SRGAP2C: variants seen among roughly 807,000 people sequenced by gnomAD.
The protein encoded by SRGAP2C is SLIT-ROBO Rho GTPase-activating protein 2C.
A neutral mutation model predicts 25.1 loss-of-function variants in SRGAP2C; 15 were observed. That is an observed-to-expected ratio of 0.60 (90% CI 0.40 to 0.92). The LOEUF is 0.92. Among genes scored for constraint, SRGAP2C ranks in the 40% least tolerant of loss-of-function variants. The pLI is 0.00. For missense variants in SRGAP2C, 144 were observed against 264.4 expected (o/e 0.54, Z 3.16); for synonymous variants, 44 against 96.6 (o/e 0.46, Z 3.19).
intron 2 of SRGAP2C, among the ~76,000 whole-genome samples, chr1:121,271,452 A>T (rs150821676): frequency 1.8e-4 from 28 of 151,656 alleles, no homozygotes; most frequent in African/African-American, 6.8e-4. Context: ...GGAGGAGGAT[A>T]CGGAATGTAC....
chr1:121,225,659 C>T (rs1354573084), intron 2 of SRGAP2C, among the ~76,000 whole-genome samples: 12 of 145,358 alleles, frequency 8.3e-5, no homozygotes, highest in Admixed American at 7.6e-4. Context: ...ACATCCAGCC[C>T]TTACCCTAAA....
At chr1:121,317,002 G>A (rs1229941208) in intron 3 of SRGAP2C, among the ~76,000 whole-genome samples, 2 of 150,174 alleles carry the variant, frequency 1.3e-5, no homozygotes, top group Non-Finnish European at 3.0e-5. Flanking sequence ...GAGAGAGCTG[G>A]TGGGCAGGCA....
intron 5 of SRGAP2C, among the ~76,000 whole-genome samples, chr1:121,371,026 G>A (rs1457787033): frequency 2.0e-5 from 3 of 151,958 alleles, no homozygotes; most frequent in Admixed American, 2.0e-4. Flanking sequence ...AGCTAAATAT[G>A]TGATTTCAGT....
At chr1:121,226,832 TCTAA>T in intron 2 of SRGAP2C, among the ~76,000 whole-genome samples, 1 of 121,106 alleles carries the variant, frequency 8.3e-6, no homozygotes, top group South Asian at 3.1e-4. Context: ...TTATTGTTCT[TCTAA>T]CTATTGTTGA....
intron 4 of SRGAP2C, among the ~76,000 whole-genome samples, chr1:121,335,343 AAAATAAATAAAT>A (rs1243682707): frequency 1.2e-3 from 127 of 109,738 alleles, no homozygotes; most frequent in East Asian, 2.7e-3. Context: ...TCCATCTCAA[AAAATAAATAAAT>A]AAATAAATAA....
At chr1:121,293,565 A>G (rs1325384233) in intron 3 of SRGAP2C, among the ~76,000 whole-genome samples, 2 of 152,056 alleles carry the variant, frequency 1.3e-5, no homozygotes, top group Non-Finnish European at 2.9e-5. Context: ...GTGTGAGGAC[A>G]AGAATTAATG....
At chr1:121,206,414 T>C (rs1216561973) in intron 2 of SRGAP2C, among the ~76,000 whole-genome samples, 18 of 152,162 alleles carry the variant, frequency 1.2e-4, no homozygotes, top group Non-Finnish European at 2.2e-4. Context: ...GTGGATAGTT[T>C]TTGATGACCT....
At position 121,362,375 on chromosome 1, in the gene SRGAP2C, T is replaced by G. The variant is rs587602014; in HGVS notation, c.424-2918T>G. 5.3e-5 allele frequency among the ~76,000 whole-genome samples: 8 copies of G among 151,360 alleles called. No homozygotes were observed. The South Asian group carries it at 1.7e-3, about 32-fold the overall frequency. Reference sequence around the variant, plus strand: ...CAGCCAGAGGGAGCAGTAAGTCAGATCACTTCAGCAGCCTGTTCAAATAAA... The same window carrying G: ...CAGCCAGAGGGAGCAGTAAGTCAGAGCACTTCAGCAGCCTGTTCAAATAAA... On this transcript the variant is annotated intron_variant, in intron 4 of 9. Coordinates refer to ENST00000367123, the MANE Select transcript of SRGAP2C (RefSeq NM_001329984.2).
At chr1:121,219,058 A>C (rs587678679) in intron 2 of SRGAP2C, among the ~76,000 whole-genome samples, 56 of 152,200 alleles carry the variant, frequency 3.7e-4, no homozygotes, top group African/African-American at 1.3e-3. Context: ...CAAGCATTCA[A>C]CCTCTTTTTC....
chr1:121,222,705 T>TG (rs1346178894), intron 2 of SRGAP2C, among the ~76,000 whole-genome samples: 1 of 152,202 alleles, frequency 6.6e-6, no homozygotes, highest in African/African-American at 2.4e-5. Flanking sequence ...AACTTAACTG[T>TG]GGGTGTTCAT....
intron 3 of SRGAP2C, among the ~76,000 whole-genome samples, chr1:121,287,911 TC>T (rs1312583742): frequency 6.6e-6 from 1 of 151,938 alleles, no homozygotes; most frequent in Non-Finnish European, 1.5e-5. Context: ...CTCGCTGGGC[TC>T]AGGAGTGAAG....
intron 2 of SRGAP2C, among the ~76,000 whole-genome samples, chr1:121,261,064 G>A (rs1347926883): frequency 9.4e-6 from 1 of 106,666 alleles, no homozygotes; most frequent in Non-Finnish European, 2.0e-5. Flanking sequence ...AAGTAGCTGG[G>A]ACCACAGACA....
At chr1:121,266,528 T>C (rs1472590026) in intron 2 of SRGAP2C, among the ~76,000 whole-genome samples, 6 of 150,886 alleles carry the variant, frequency 4.0e-5, no homozygotes, top group Non-Finnish European at 7.4e-5. Flanking sequence ...AGGTTGTTGA[T>C]TTTTTAAAAA....
chr1:121,218,917 A>G (rs1655463926), intron 2 of SRGAP2C, among the ~76,000 whole-genome samples: 1 of 151,820 alleles, frequency 6.6e-6, no homozygotes, highest in South Asian at 2.1e-4. Context: ...CAAGTTCTTA[A>G]ATACATTTGA....
chr1:121,260,061 C>T (rs1443420429), intron 2 of SRGAP2C, among the ~76,000 whole-genome samples: 1 of 145,214 alleles, frequency 6.9e-6, no homozygotes, highest in Non-Finnish European at 1.5e-5. Flanking sequence ...GAGACAGGGT[C>T]TCATTTTGTT....
intron 4 of SRGAP2C, among the ~76,000 whole-genome samples, chr1:121,348,721 T>A (rs1166196847): frequency 4.1e-5 from 6 of 148,076 alleles, no homozygotes; most frequent in African/African-American, 1.5e-4. Context: ...CAAAATAGCA[T>A]TGAAGGAGTT....
At position 121,185,134 on chromosome 1, in the gene SRGAP2C, C is replaced by T; in HGVS notation, c.-543+10C>T. ...GTCGCGTCAGAGCCAGGTAAAGGCTCCTTCCCTCTTCCTTTTCTTCCTCCC... is the reference window on the plus strand; with the variant it reads ...GTCGCGTCAGAGCCAGGTAAAGGCTTCTTCCCTCTTCCTTTTCTTCCTCCC... On this transcript the variant is annotated intron_variant, in intron 1 of 9. Transcript: ENST00000367123. The T allele has an allele frequency of 2.2e-6, 1 of 463,112 alleles. No individual in the cohort carries two copies. Among genetic ancestry groups the T allele is most frequent in the Non-Finnish European group, 3.8e-6 (1 of 266,520 alleles). The allele number at this position is 463,112 out of a possible 1,614,324, so 28.7% of individuals were successfully genotyped here. A position where few individuals can be genotyped will look rare whatever the true frequency, so the allele number is the denominator to read the frequency against.
At chr1:121,348,757 A>G (rs1658817545) in intron 4 of SRGAP2C, among the ~76,000 whole-genome samples, 1 of 144,268 alleles carries the variant, frequency 6.9e-6, no homozygotes, top group Non-Finnish European at 1.5e-5. Flanking sequence ...AACTTCACCA[A>G]TTAATAGTTG....
chr1:121,297,595 T>A (rs1657623601), intron 3 of SRGAP2C, among the ~76,000 whole-genome samples: 1 of 151,312 alleles, frequency 6.6e-6, no homozygotes, highest in Non-Finnish European at 1.5e-5. Context: ...GCTCAATAAA[T>A]GGTAGCTGAT....
Sources: allele counts gnomAD v4.1 joint callset (sites outside exome capture counted in the v4.1 genomes callset), GRCh38; gene constraint gnomAD v4.1.1; transcripts MANE v1.5; gene names NCBI Gene and HGNC (gene_info 2026-07-23, HGNC 2026-07-21).